KPNA5: variants seen among roughly 807,000 people sequenced by gnomAD.
KPNA5 encodes the protein importin subunit alpha-6.
In KPNA5, 46 loss-of-function variants were observed where a neutral mutation model predicts 71.3. That is an observed-to-expected ratio of 0.65 (90% CI 0.51 to 0.83). KPNA5 has a LOEUF of 0.83. Ranked by LOEUF, KPNA5 falls within the 40% of genes least tolerant of loss-of-function variation. The pLI is 0.00. For synonymous variants in KPNA5, 207 were observed against 201.4 expected (o/e 1.03, Z -0.24); for missense variants, 547 against 628.3 (o/e 0.87, Z 1.38).
intron 1 of KPNA5, among the ~76,000 whole-genome samples, chr6:116,682,729 G>GA (rs902377975): frequency 3.3e-5 from 5 of 152,070 alleles, no homozygotes; most frequent in South Asian, 2.1e-4. Flanking sequence ...GCTTATGAAT[G>GA]AAAAAAATTC....
rs1250049930 is a variant in KPNA5, at chr6:116,735,528, G to A, written c.*3205G>A. ...TATATCTTTAAATTCTGACTGGGGA[G>A]TAAGAAGAGAAGATATTCTTACCCT... On this transcript the variant is annotated 3_prime_UTR_variant, in exon 14 of 14. Coordinates refer to ENST00000368564, the MANE Select transcript of KPNA5 (RefSeq NM_001366306.2). 1 of 151,642 alleles carries A rather than the reference G, an allele frequency of 6.6e-6. No individual in the cohort carries two copies. Among genetic ancestry groups the A allele is most frequent in the Admixed American group, 6.6e-5 (1 of 15,146 alleles). The allele number at this position is 151,642 out of a possible 1,614,324, so 9.4% of individuals were successfully genotyped here.
chr6:116,724,434 T>G, intron 10 of KPNA5, 59 bp downstream of exon 10: 1 of 1,146,412 alleles, frequency 8.7e-7, no homozygotes, highest in Non-Finnish European at 1.3e-6. Context: ...AAAATTTATG[T>G]TTCATACAAC....
intron 5 of KPNA5, among the ~76,000 whole-genome samples, chr6:116,701,698 C>T (rs1778236102): frequency 1.3e-5 from 2 of 152,046 alleles, no homozygotes; most frequent in Admixed American, 1.3e-4. Flanking sequence ...AGAATGCTTG[C>T]CTCTGTAATA....
chr6:116,698,508 G>A (rs982094295), intron 4 of KPNA5, among the ~76,000 whole-genome samples, 196 bp from the exon 5 acceptor site: 1 of 151,978 alleles, frequency 6.6e-6, no homozygotes, highest in South Asian at 2.1e-4. Context: ...GAATGAGAAA[G>A]CGGAATTTGC....
intron 1 of KPNA5, 134 bp from the exon 2 acceptor site, chr6:116,689,186 T>C: frequency 1.2e-6 from 1 of 832,242 alleles, no homozygotes; most frequent in Non-Finnish European, 1.9e-6. Context: ...ATGTATTCTT[T>C]GTACATAATT....
intron 1 of KPNA5, among the ~76,000 whole-genome samples, chr6:116,683,050 A>G (rs1174244872): frequency 1.3e-5 from 2 of 152,190 alleles, no homozygotes; most frequent in African/African-American, 4.8e-5. Context: ...AACAGTTACA[A>G]TGTGGTTGCT....
chr6:116,704,367 A>G (rs1778353628), intron 6 of KPNA5, among the ~76,000 whole-genome samples: 1 of 152,168 alleles, frequency 6.6e-6, no homozygotes, highest in Non-Finnish European at 1.5e-5. Context: ...TACAGTGGTA[A>G]GTATTTGTGT....
At position 116,681,247 on chromosome 6, in the gene KPNA5, C is replaced by G. The variant is rs1777339961; in HGVS notation, c.-88C>G. On this transcript the variant is annotated 5_prime_UTR_variant, in exon 1 of 14. Transcript: ENST00000368564. ...CGAACTGGGTCGCTACGCTTCACGC[C>G]AGGGGCGGAGTGGCGGCCCTTCTGT... The G allele has an allele frequency of 1.3e-6, 2 of 1,572,524 alleles. No homozygotes were observed. The highest frequency in any genetic ancestry group is 3.4e-5 in the Admixed American group (2 of 58,062).
At chr6:116,723,802 T>C (rs1275847160) in intron 9 of KPNA5, among the ~76,000 whole-genome samples, 1 of 152,066 alleles carries the variant, frequency 6.6e-6, no homozygotes, top group Non-Finnish European at 1.5e-5. Context: ...TTTTGCATTA[T>C]CTCAAAGTAT....
rs1779791777 is a variant in KPNA5, at chr6:116,739,499, T to C, written c.*7176T>C. 1.3e-5 allele frequency: 2 copies of C among 152,172 alleles called. No individual in the cohort carries two copies. The highest frequency in any genetic ancestry group is 2.4e-5 in the African/African-American group (1 of 41,440). 9.4% of individuals were successfully genotyped at this position (152,172 alleles called of 1,614,324 possible). A position where few individuals can be genotyped will look rare whatever the true frequency, so the allele number is the denominator to read the frequency against. ...TCTTCACAGAATTGCAAAAAACTAC[T>C]TTAAAGTTCATATGGAACCAAAAAA... On this transcript the variant is annotated 3_prime_UTR_variant, in exon 14 of 14. Coordinates refer to ENST00000368564, the MANE Select transcript of KPNA5 (RefSeq NM_001366306.2).
chr6:116,704,764 A>G (rs1285203531), intron 6 of KPNA5, among the ~76,000 whole-genome samples: 1 of 152,052 alleles, frequency 6.6e-6, no homozygotes, highest in African/African-American at 2.4e-5. Context: ...TTCAGTAGAG[A>G]CAGAGTTTTA....
Position 116,692,142 on chromosome 6 carries a change from G to T in KPNA5, c.226G>T (p.Val76Leu). Residue 76 changes from valine (V) to leucine (L), a missense_variant, in exon 3 of 14, where the codon GTA becomes TTA. Physicochemically the swap from Val to Leu is conservative, Grantham distance 32 (BLOSUM62 1). Transcript: ENST00000368564. ...ACAGGATCCAGATATTAGTTCCACT[G>T]TACCCATTCCAGAGGTATACTTTAC... ...PIQDPDISST[V>L]PIPEEEVVTT... 1 of 1,605,602 alleles carries T rather than the reference G, an allele frequency of 6.2e-7. No individual in the cohort carries two copies. Among genetic ancestry groups the T allele is most frequent in the Non-Finnish European group, 8.5e-7 (1 of 1,173,178 alleles).
intron 1 of KPNA5, among the ~76,000 whole-genome samples, chr6:116,687,464 G>T (rs1196254705): frequency 6.6e-6 from 1 of 152,154 alleles, no homozygotes; most frequent in Non-Finnish European, 1.5e-5. Context: ...TGTCTTGATT[G>T]TGATAGTTAC....
Position 116,736,148 on chromosome 6 carries a change from CAA to C in KPNA5, c.*3827_*3828del, listed in dbSNP as rs777480429. The C allele has an allele frequency of 6.6e-6, 1 of 151,658 alleles. No individual in the cohort carries two copies. The highest frequency in any genetic ancestry group is 1.5e-5 in the Non-Finnish European group (1 of 67,790). 9.4% of individuals were successfully genotyped at this position (151,658 alleles called of 1,614,324 possible). ...ATTCATGATAGTCAAAATGTAGAAA[CAA>C]ATGTTCATCAGCCAATGGATAAATA... On this transcript the variant is annotated 3_prime_UTR_variant, in exon 14 of 14. Transcript: ENST00000368564.
Position 116,733,965 on chromosome 6 carries a change from G to C in KPNA5, c.*1642G>C, listed in dbSNP as rs944793433. On this transcript the variant is annotated 3_prime_UTR_variant, in exon 14 of 14. Transcript: ENST00000368564. Reference sequence around the variant, plus strand: ...TTAAAACCTACAGCTGTAAAATACAGGTTTAAATGGTGTTCGTAATGCTGA... The same window carrying C: ...TTAAAACCTACAGCTGTAAAATACACGTTTAAATGGTGTTCGTAATGCTGA... 4 of 151,652 alleles carry C rather than the reference G, an allele frequency of 2.6e-5. No individual in the cohort carries two copies. Among genetic ancestry groups the C allele is most frequent in the African/African-American group, 9.7e-5 (4 of 41,380 alleles). 9.4% of individuals were successfully genotyped at this position (151,652 alleles called of 1,614,324 possible). A position where few individuals can be genotyped will look rare whatever the true frequency, so the allele number is the denominator to read the frequency against.
chr6:116,700,472 A>G (rs1172369477), intron 5 of KPNA5, among the ~76,000 whole-genome samples: 1 of 152,142 alleles, frequency 6.6e-6, no homozygotes, highest in African/African-American at 2.4e-5. Flanking sequence ...AAATAAACAA[A>G]CAAACAAACA....
chr6:116,731,626 C>T (rs568361528), intron 13 of KPNA5, among the ~76,000 whole-genome samples: 2 of 151,802 alleles, frequency 1.3e-5, no homozygotes, highest in African/African-American at 2.4e-5. Flanking sequence ...TCTTTTAAAC[C>T]GCACAACAGC....
In KPNA5 at chr6:116,740,893, T is replaced by G. The variant is rs901911860; in HGVS notation, c.*8570T>G. On this transcript the variant is annotated 3_prime_UTR_variant, in exon 14 of 14. Coordinates refer to ENST00000368564, the MANE Select transcript of KPNA5 (RefSeq NM_001366306.2). ...TAGCTTTAGGAGATATACCTAATGC[T>G]AAATGACGAGTTAATGGGTGCAGCA... The G allele has an allele frequency of 6.6e-6, 1 of 151,778 alleles. No individual in the cohort carries two copies. Among genetic ancestry groups the G allele is most frequent in the Non-Finnish European group, 1.5e-5 (1 of 67,950 alleles). The allele number at this position is 151,778 out of a possible 1,614,324, so 9.4% of individuals were successfully genotyped here.
chr6:116,724,528 AAAG>A (rs1352526969), intron 10 of KPNA5, among the ~76,000 whole-genome samples, 153 bp downstream of exon 10: 3 of 152,166 alleles, frequency 2.0e-5, no homozygotes, highest in Non-Finnish European at 4.4e-5. Context: ...GTGAGATGTC[AAAG>A]AAGATGTGCT....
Sources: allele counts gnomAD v4.1 joint callset (sites outside exome capture counted in the v4.1 genomes callset), GRCh38; gene constraint gnomAD v4.1.1; transcripts MANE v1.5; gene names NCBI Gene and HGNC (gene_info 2026-07-23, HGNC 2026-07-21).